Variants in SETD3 observed in about 807,000 individuals in gnomAD.
The protein encoded by SETD3 is SET domain containing 3, actin N3(tau)-histidine methyltransferase.
A neutral mutation model predicts 63.0 loss-of-function variants in SETD3; 19 were observed. That is an observed-to-expected ratio of 0.30 (90% confidence interval 0.21 to 0.44). The LOEUF is 0.44. Ranked by LOEUF, SETD3 falls within the 20% of genes least tolerant of loss-of-function variation. The pLI is 1.00. For missense variants in SETD3, 587 were observed against 728.5 expected, an observed-to-expected ratio of 0.81 and a Z score of 2.24; for synonymous variants, 286 against 264.1, an observed-to-expected ratio of 1.08 and a Z score of -0.80.
rs370645012 is a variant in SETD3 at position 99,457,229 on chromosome 14, G to A, written c.675+1050C>T. On this transcript the variant is annotated intron_variant, in intron 6 of 12. Coordinates refer to ENST00000331768, the MANE Select transcript of SETD3 (RefSeq NM_032233.3). ...TTGAAATAAAAGCTATATACATACT[G>A]TATGACCATTCCTAATGACTTCCTA... Among the ~76,000 whole-genome samples, 9 of 152,322 alleles carry A rather than the reference G, an allele frequency of 5.9e-5. No individual in the cohort carries two copies. The South Asian group carries it at 8.3e-4, about 14-fold the overall frequency.
Position 99,465,741 on chromosome 14 carries a change from G to A in SETD3, c.65C>T (p.Pro22Leu). The A allele has an allele frequency of 6.2e-7, 1 of 1,613,952 alleles. No individual in the cohort carries two copies. Among genetic ancestry groups the A allele is most frequent in the Non-Finnish European group, 8.5e-7 (1 of 1,179,936 alleles). ...SGTGATATVSPKEILNLTSEL... is the reference protein window; with the variant it reads ...SGTGATATVSLKEILNLTSEL... ...ACTGGTCAGGTTCAAGATTTCCTTTGGTGACACAGTTGCTGTAGCACCAGT... is the reference window on the plus strand; with the variant it reads ...ACTGGTCAGGTTCAAGATTTCCTTTAGTGACACAGTTGCTGTAGCACCAGT... The change falls in exon 2 of 13, where the codon CCA (proline) becomes CTA (leucine). Residue 22 changes from proline (P) to leucine (L), a missense_variant. By Grantham distance (98) the Pro-to-Leu change is moderately conservative (BLOSUM62 -3). Transcript: ENST00000331768.
chr14:99,443,201 T>TA (rs1445929362), intron 6 of SETD3, among the ~76,000 whole-genome samples: 2 of 150,770 alleles, frequency 1.3e-5, no homozygotes, highest in East Asian at 3.9e-4. Context: ...AAAACAAAAA[T>TA]AAAACAACCT....
At chr14:99,441,156 T>C (rs551804177) in intron 6 of SETD3, among the ~76,000 whole-genome samples, 18 of 152,286 alleles carry the variant, frequency 1.2e-4, no homozygotes, top group African/African-American at 4.1e-4. Context: ...CTGGGAAAAG[T>C]TGTCTGTCTG....
At chr14:99,416,894 C>T (rs1405087084) in intron 6 of SETD3, among the ~76,000 whole-genome samples, 1 of 152,146 alleles carries the variant, frequency 6.6e-6, no homozygotes, top group African/African-American at 2.4e-5. Flanking sequence ...CGCACTCTTC[C>T]CCTTCCCTCT....
At chr14:99,419,630 C>A (rs951384420) in intron 6 of SETD3, among the ~76,000 whole-genome samples, 4 of 151,686 alleles carry the variant, frequency 2.6e-5, no homozygotes, top group Non-Finnish European at 5.9e-5. Context: ...AAAAAATTAG[C>A]CGGGCGTAGT....
At chr14:99,420,947 C>CGGGGG (rs559807226) in intron 6 of SETD3, among the ~76,000 whole-genome samples, 1 of 7,382 alleles carries the variant, frequency 1.4e-4, no homozygotes, top group African/African-American at 2.4e-4. Flanking sequence ...CAGGCGAGGG[C>CGGGGG]GGGGGGGGGG....
Position 99,472,904 on chromosome 14 carries a change from T to A in SETD3, c.-8-7091A>T, listed in dbSNP as rs535717616. Among the ~76,000 whole-genome samples the A allele has an allele frequency of 3.8e-3, 582 of 152,288 alleles. 3 individuals carry two copies. The highest frequency in any genetic ancestry group is 0.013 in the African/African-American group (548 of 41,544). On this transcript the variant is annotated intron_variant, in intron 1 of 12. Transcript: ENST00000331768. ...TAGCAATACAAGATTGATACATGAA[T>A]TATACAATTATAGTTAGTCATTCAG...
Position 99,404,234 on chromosome 14 carries a change from T to C in SETD3, c.1168A>G (p.Met390Val). The change falls in exon 11 of 13, where the codon ATG (methionine) becomes GTG (valine). Residue 390 changes from methionine (M) to valine (V), a missense_variant. Physicochemically the swap from Met to Val is conservative, Grantham distance 21 (BLOSUM62 1). Coordinates refer to ENST00000331768, the MANE Select transcript of SETD3 (RefSeq NM_032233.3). ...TCCTGAAATGACTTACCTTCAGTCA[T>C]ACAGAATACTCGGAGAAAAGCCAAA... ...QLLAFLRVFC[M>V]TEEELKEHLL... The C allele has an allele frequency of 6.2e-7, 1 of 1,613,832 alleles. No individual in the cohort carries two copies. Among genetic ancestry groups the C allele is most frequent in the Non-Finnish European group, 8.5e-7 (1 of 1,179,800 alleles).
intron 6 of SETD3, among the ~76,000 whole-genome samples, chr14:99,416,057 A>G (rs1892274746): frequency 6.6e-6 from 1 of 152,210 alleles, no homozygotes; most frequent in African/African-American, 2.4e-5. Flanking sequence ...TGTCTCTAAA[A>G]ACTATTATAT....
At chr14:99,416,772 G>T (rs936999250) in intron 6 of SETD3, among the ~76,000 whole-genome samples, 2 of 152,152 alleles carry the variant, frequency 1.3e-5, no homozygotes, top group African/African-American at 4.8e-5. Flanking sequence ...TTTTTTAAGT[G>T]ATTAATATTT....
Position 99,461,332 on chromosome 14 carries a change from C to G in SETD3, c.205G>C (p.Val69Leu). 1 of 1,613,734 alleles carries G rather than the reference C, an allele frequency of 6.2e-7. No individual in the cohort carries two copies. The highest frequency in any genetic ancestry group is 8.5e-7 in the Non-Finnish European group (1 of 1,179,934). Residue 69 changes from valine (V) to leucine (L), a missense_variant, in exon 4 of 13, where the codon GTT (valine) becomes CTT (leucine). Val to Leu is a conservative substitution (Grantham distance 32). Transcript: ENST00000331768. ...KIRKKQKGLS[V>L]TFDGKREDYF... ...TCTTCTCTTTTTCCATCAAAAGTAA[C>G]GGACAGACCTATATTAATCCACGTT... is the stretch of plus-strand genomic sequence containing the variant.
At chr14:99,419,753 C>T (rs1171448411) in intron 6 of SETD3, among the ~76,000 whole-genome samples, 3 of 145,972 alleles carry the variant, frequency 2.1e-5, no homozygotes, top group East Asian at 2.0e-4. Flanking sequence ...CCAGCCTGGG[C>T]GACAGAGCGA....
intron 8 of SETD3, 60 bp from the exon 9 acceptor site, chr14:99,406,650 T>C: frequency 2.0e-6 from 3 of 1,507,664 alleles, no homozygotes; most frequent in Non-Finnish European, 2.8e-6. Context: ...TCTCACTTAA[T>C]CTACAAGCTT....
Position 99,413,071 on chromosome 14 carries a change from A to C in SETD3, c.735-6T>G. 6.5e-7 allele frequency: 1 copy of C among 1,550,228 alleles called. No homozygotes were observed. Among genetic ancestry groups the C allele is most frequent in the South Asian group, 1.1e-5 (1 of 88,918 alleles). On this transcript the variant is annotated splice_polypyrimidine_tract_variant and splice_region_variant and intron_variant, in intron 7 of 12. Coordinates refer to ENST00000331768, the MANE Select transcript of SETD3 (RefSeq NM_032233.3). ...TAACAGAAGAGACTGCCCACCTATA[A>C]CAAGATAAATGGTGACTTAAGGTTG...
At chr14:99,402,634 C>T (rs1891446702) in intron 11 of SETD3, among the ~76,000 whole-genome samples, 1 of 152,124 alleles carries the variant, frequency 6.6e-6, no homozygotes, top group Non-Finnish European at 1.5e-5. Context: ...CTCTGTCACC[C>T]AGGCTGGGGT....
chr14:99,434,871 A>C (rs1468091742), intron 6 of SETD3, among the ~76,000 whole-genome samples: 1 of 150,602 alleles, frequency 6.6e-6, no homozygotes, highest in Middle Eastern at 3.4e-3. Flanking sequence ...AAAAAAAAAA[A>C]AAAAACAACC....
rs755310331 is a variant in SETD3, at chr14:99,465,739, T to C, written c.67A>G (p.Lys23Glu). Residue 23 changes from lysine to glutamate, a missense_variant, in exon 2 of 13, where the codon AAG becomes GAG. By Grantham distance (56) the Lys-to-Glu change is moderately conservative. Coordinates refer to ENST00000331768, the MANE Select transcript of SETD3 (RefSeq NM_032233.3). ...TCACTGGTCAGGTTCAAGATTTCCT[T>C]TGGTGACACAGTTGCTGTAGCACCA... ...GTGATATVSP[K>E]EILNLTSELL... 1 of 1,614,028 alleles carries C rather than the reference T, an allele frequency of 6.2e-7. No homozygotes were observed. The highest frequency in any genetic ancestry group is 1.7e-5 in the Admixed American group (1 of 60,006).
chr14:99,400,227 C>T lies in SETD3; in HGVS notation c.1210G>A (p.Ala404Thr), dbSNP rs762982303. ...ELKEHLLGDS[A>T]IDRIFTLGNS... Reference sequence around the variant, plus strand: ...CCCAAGGTGAAGATTCTATCAATAGCGCTGTCTCCCAGCAAGTGTTCTTTC... The same window carrying T: ...CCCAAGGTGAAGATTCTATCAATAGTGCTGTCTCCCAGCAAGTGTTCTTTC... Residue 404 changes from alanine (A) to threonine (T), a missense_variant, in exon 12 of 13, where the codon GCT (alanine) becomes ACT (threonine). Coordinates refer to ENST00000331768, the MANE Select transcript of SETD3 (RefSeq NM_032233.3). The T allele has an allele frequency of 1.4e-5, 22 of 1,613,356 alleles. No individual in the cohort carries two copies. The highest frequency in any genetic ancestry group is 6.7e-5 in the African/African-American group (5 of 74,966).
chr14:99,404,285 T>C lies in SETD3; in HGVS notation c.1117A>G (p.Thr373Ala). 1 of 1,614,118 alleles carries C rather than the reference T, an allele frequency of 6.2e-7. No homozygotes were observed. The change falls in exon 11 of 13, where the codon ACC (threonine) becomes GCC (alanine). Residue 373 changes from threonine (T) to alanine (A), a missense_variant. Thr to Ala is a moderately conservative substitution (Grantham distance 58). Coordinates refer to ENST00000331768, the MANE Select transcript of SETD3 (RefSeq NM_032233.3). ...PTSSVFALHF[T>A]EPPISAQLLA... Reference sequence around the variant, plus strand: ...AGCTGAGCAGAGATGGGCGGCTCGGTAAAATGCAATGCAAAAACACTGGAA... The same window carrying C: ...AGCTGAGCAGAGATGGGCGGCTCGGCAAAATGCAATGCAAAAACACTGGAA...
Sources: gnomAD v4.1 joint callset for allele counts (sites outside exome capture counted in the v4.1 genomes callset) on GRCh38, gnomAD v4.1.1 for gene constraint, MANE v1.5 for transcripts, NCBI Gene and HGNC (gene_info 2026-07-23, HGNC 2026-07-21) for gene names.